The following ECE1 variants were observed in gnomAD, a reference collection of about 807,000 sequenced individuals.
ECE1 encodes endothelin converting enzyme 1.
In ECE1, 35 loss-of-function variants were observed where a neutral mutation model predicts 98.6. The ratio of observed to expected loss-of-function variants is 0.35; its 90% confidence interval spans 0.27 to 0.47. The LOEUF is 0.47. Among genes scored for constraint, ECE1 ranks in the 20% least tolerant of loss-of-function variants. The pLI, the probability that ECE1 is intolerant of heterozygous loss-of-function variation, is 1.00. For missense variants in ECE1, 814 were observed against 1,025.3 expected (o/e 0.79, Z 2.81); for synonymous variants, 394 against 407.1 (o/e 0.97, Z 0.39).
In ECE1 at chr1:21,260,589, G is replaced by A. The variant is rs183304828; in HGVS notation, c.494-197C>T. Among the ~76,000 whole-genome samples, 265 of 152,230 alleles carry A rather than the reference G, an allele frequency of 1.7e-3. No homozygotes were observed. Among genetic ancestry groups the A allele is most frequent in the Non-Finnish European group, 3.1e-3 (208 of 68,004 alleles). ...GGACAGAGCCTGGCAAGCTGAAGGCGCTCCCGAAATTTTGCTGACTGCAAA... is the reference window on the plus strand; with the variant it reads ...GGACAGAGCCTGGCAAGCTGAAGGCACTCCCGAAATTTTGCTGACTGCAAA... On this transcript the variant is annotated intron_variant, in intron 4 of 18. Coordinates refer to ENST00000374893, the MANE Select transcript of ECE1 (RefSeq NM_001397.3). This position sits in a 1 kb window ranked among gnomAD's most constrained non-coding sequence, Gnocchi z 4.3.
At position 21,297,842 on chromosome 1, in the gene ECE1, G is replaced by GT. The variant is rs761057865; in HGVS notation, c.4-7687dup. 5.9e-3 allele frequency among the ~76,000 whole-genome samples: 781 copies of GT among 132,404 alleles called. 3 individuals carry two copies. The highest frequency in any genetic ancestry group is 9.6e-3 in the Non-Finnish European group (581 of 60,740). 86.9% of individuals were successfully genotyped at this position (132,404 alleles called of 152,430 possible). A position where few individuals can be genotyped will look rare whatever the true frequency, so the allele number is the denominator to read the frequency against. On this transcript the variant is annotated intron_variant, in intron 1 of 18. Transcript: ENST00000415912. ...GTGAGCCATGGCTCTTGTTGTTGTT[G>GT]TTTTTTTTTTTAAGAGACTAGGTCT...
At chr1:21,331,099 C>A (rs1558436438) in intron 1 of ECE1, among the ~76,000 whole-genome samples, 1 of 152,112 alleles carries the variant, frequency 6.6e-6, no homozygotes, top group Non-Finnish European at 1.5e-5. Context: ...ACATAGCAAA[C>A]CCTGTCTCTA....
chr1:21,330,630 A>G (rs1233157118), intron 1 of ECE1, among the ~76,000 whole-genome samples: 1 of 152,200 alleles, frequency 6.6e-6, no homozygotes, highest in African/African-American at 2.4e-5. Context: ...CATGCCTGGC[A>G]CAGGAAACGT....
intron 6 of ECE1, among the ~76,000 whole-genome samples, 198 bp from the exon 7 acceptor site, chr1:21,257,788 C>A (rs185969431): frequency 4.2e-4 from 64 of 152,092 alleles, no homozygotes; most frequent in African/African-American, 1.2e-3. Flanking sequence ...CCACGTGGCC[C>A]CCCCCCGCAG....
intron 1 of ECE1, among the ~76,000 whole-genome samples, chr1:21,297,036 C>G (rs1384149109): frequency 6.6e-6 from 1 of 152,174 alleles, no homozygotes; most frequent in African/African-American, 2.4e-5. Flanking sequence ...TTGCTAACTG[C>G]CCCTTGGAGA....
In ECE1 at chr1:21,260,425, G is replaced by A; in HGVS notation, c.494-33C>T. 6.2e-7 allele frequency: 1 copy of A among 1,613,836 alleles called. No individual in the cohort carries two copies. The highest frequency in any genetic ancestry group is 8.5e-7 in the Non-Finnish European group (1 of 1,179,886). ...AACAGACAGTGGAGTTTGCAATGCG[G>A]CCCCACTTGCCCACTGGGTGGCTTT... On this transcript the variant is annotated intron_variant, in intron 4 of 18. Transcript: ENST00000374893. This position sits in a 1 kb window ranked among gnomAD's most constrained non-coding sequence, Gnocchi z 4.3.
rs773690635 is a variant in ECE1 at position 21,257,518 on chromosome 1, C to T, written c.828+7G>A. The T allele has an allele frequency of 1.2e-5, 20 of 1,614,020 alleles. 1 individual carries two copies. The highest frequency in any genetic ancestry group is 8.8e-5 in the South Asian group (8 of 91,072). On this transcript the variant is annotated splice_region_variant and intron_variant, in intron 7 of 18. Coordinates refer to ENST00000374893, the MANE Select transcript of ECE1 (RefSeq NM_001397.3). ...GAGGCAGGCTGGGAGGGGAGAGGCACGCTTACCTTCTCGTTTTCAGTTTTG... is the reference window on the plus strand; with the variant it reads ...GAGGCAGGCTGGGAGGGGAGAGGCATGCTTACCTTCTCGTTTTCAGTTTTG...
chr1:21,287,546 A>G (rs1213397668), intron 2 of ECE1, among the ~76,000 whole-genome samples: 7 of 152,278 alleles, frequency 4.6e-5, no homozygotes, highest in African/African-American at 1.4e-4. Context: ...AATAAATATA[A>G]ATAAATAAAG....
chr1:21,281,105 G>A (rs887404200), intron 2 of ECE1, among the ~76,000 whole-genome samples: 1 of 152,156 alleles, frequency 6.6e-6, no homozygotes. Flanking sequence ...CAGGAGAATC[G>A]CTTGAACCCG....
chr1:21,289,542 G>A (rs1214287472), intron 2 of ECE1, among the ~76,000 whole-genome samples: 5 of 152,184 alleles, frequency 3.3e-5, no homozygotes, highest in Non-Finnish European at 7.4e-5. Context: ...GCAGAGAACA[G>A]GTTTCTGGCC....
chr1:21,282,871 T>G (rs2098256425), intron 2 of ECE1, among the ~76,000 whole-genome samples: 1 of 151,474 alleles, frequency 6.6e-6, no homozygotes, highest in South Asian at 2.1e-4. Context: ...AATAAATACT[T>G]GAGTGCTAAG....
chr1:21,260,406 C>G lies in ECE1; in HGVS notation c.494-14G>C, dbSNP rs369974106. 384 of 1,614,098 alleles carry G rather than the reference C, an allele frequency of 2.4e-4. 2 individuals carry two copies. The highest frequency in any genetic ancestry group is 6.0e-4 in the Admixed American group (36 of 60,008). ...CCGTGGAGTTTTCTGGAACAACAGACAGTGGAGTTTGCAATGCGGCCCCAC... is the reference window on the plus strand; with the variant it reads ...CCGTGGAGTTTTCTGGAACAACAGAGAGTGGAGTTTGCAATGCGGCCCCAC... On this transcript the variant is annotated splice_polypyrimidine_tract_variant and intron_variant, in intron 4 of 18. Transcript: ENST00000374893. The surrounding 1 kb of genome is among the most constrained non-coding windows in gnomAD (Gnocchi z 4.3).
At chr1:21,339,950 C>T (rs1390691686) in intron 1 of ECE1, among the ~76,000 whole-genome samples, 1 of 152,220 alleles carries the variant, frequency 6.6e-6, no homozygotes, top group Non-Finnish European at 1.5e-5. Flanking sequence ...TGGGGTTCCG[C>T]CAGCACTGGT....
At chr1:21,344,425 G>C (rs1048366369) in intron 1 of ECE1, among the ~76,000 whole-genome samples, 1 of 152,234 alleles carries the variant, frequency 6.6e-6, no homozygotes, top group African/African-American at 2.4e-5. Context: ...AACTAGGAGA[G>C]GGAATCCGAG....
intron 4 of ECE1, among the ~76,000 whole-genome samples, chr1:21,263,366 T>TC (rs1003169649): frequency 2.0e-5 from 3 of 151,550 alleles, no homozygotes; most frequent in African/African-American, 7.3e-5. Context: ...TATTTATTTT[T>TC]TTTTTTTTTG....
intron 3 of ECE1, among the ~76,000 whole-genome samples, chr1:21,273,808 T>A (rs1396218915): frequency 6.6e-6 from 1 of 152,140 alleles, no homozygotes; most frequent in African/African-American, 2.4e-5. Flanking sequence ...TGAGCCAAGA[T>A]CGAGCCATTG....
chr1:21,256,172 G>GCCC, intron 7 of ECE1, 34 bp from the exon 8 acceptor site: 4 of 1,576,038 alleles, frequency 2.5e-6, no homozygotes, highest in Non-Finnish European at 3.5e-6. Context: ...GTCAGTGGCT[G>GCCC]CCCCCCCACT....
At chr1:21,266,527 C>T (rs1255483771) in intron 4 of ECE1, 1 of 152,214 alleles carries the variant, frequency 6.6e-6, no homozygotes, top group Non-Finnish European at 1.5e-5. Context: ...CACAACCTCA[C>T]CCTGGTCCCC....
In ECE1 at chr1:21,255,956, G is replaced by A. The variant is rs763497478; in HGVS notation, c.1011C>T (p.Ala337=). 1.9e-5 allele frequency: 31 copies of A among 1,613,860 alleles called. No homozygotes were observed. The highest frequency in any genetic ancestry group is 1.6e-4 in the Middle Eastern group (1 of 6,084). ...EELIYHKVTA[A]ELQTLAPAIN... is the part of the protein sequence containing the mutation. ...CCGGCGCTCAAGTTACCTGCAGCTC[G>A]GCTGCCGTCACTTTGTGGTAGATGA... The change falls in exon 8 of 19, where the codon GCC becomes GCT. Residue 337 remains alanine (A), a synonymous_variant. Transcript: ENST00000374893.
Sources: allele counts gnomAD v4.1 joint callset (sites outside exome capture counted in the v4.1 genomes callset), GRCh38; gene constraint gnomAD v4.1.1; non-coding constraint Gnocchi (gnomAD v3.1); transcripts MANE v1.5; gene names NCBI Gene and HGNC (gene_info 2026-07-23, HGNC 2026-07-21).